Variants in RIMS3 observed in about 807,000 individuals in gnomAD.
The protein encoded by RIMS3 is regulating synaptic membrane exocytosis 3.
A neutral mutation model predicts 29.2 loss-of-function variants in RIMS3; 15 were observed. The ratio of observed to expected loss-of-function variants is 0.51; its 90% CI spans 0.34 to 0.79. The LOEUF (loss-of-function observed/expected upper bound fraction) is 0.79. Among genes scored for constraint, RIMS3 ranks in the 30% least tolerant of loss-of-function variants. RIMS3 has a pLI of 0.01. For missense variants in RIMS3, 342 were observed against 421.4 expected, an observed-to-expected ratio of 0.81 and a Z score of 1.65; for synonymous variants, 161 against 170.1, an observed-to-expected ratio of 0.95 and a Z score of 0.41.
At chr1:40,687,946 A>G in the RIMS3 span, among the ~76,000 whole-genome samples, 1 of 152,182 alleles carries the variant, frequency 6.6e-6, no homozygotes, top group Non-Finnish European at 1.5e-5. Flanking sequence ...CCAGCAGCAC[A>G]TGAACTATAT....
intron 1 of RIMS3, among the ~76,000 whole-genome samples, chr1:40,649,060 T>C (rs1646613678): frequency 1.3e-5 from 2 of 152,138 alleles, no homozygotes; most frequent in South Asian, 4.1e-4. Context: ...TAGGTGGTTG[T>C]GGTGGGGAAG....
At chr1:40,627,185 G>A (rs1227573995) in intron 7 of RIMS3, among the ~76,000 whole-genome samples, 2 of 152,158 alleles carry the variant, frequency 1.3e-5, no homozygotes, top group Non-Finnish European at 2.9e-5. Context: ...CGTGGGACTT[G>A]TGTAAGCTCC....
intron 1 of RIMS3, among the ~76,000 whole-genome samples, chr1:40,653,613 G>C (rs1259008139): frequency 6.6e-6 from 1 of 152,184 alleles, no homozygotes; most frequent in African/African-American, 2.4e-5. Context: ...CGGGAGCCCG[G>C]GGCTCTGAAG....
At chr1:40,674,797 C>T in the RIMS3 span, among the ~76,000 whole-genome samples, 1 of 152,280 alleles carries the variant, frequency 6.6e-6, no homozygotes, top group East Asian at 1.9e-4. Context: ...AGGTGTGCAC[C>T]CCTAAACCTT....
At chr1:40,670,574 T>A (rs12039103), upstream of RIMS3, among the ~76,000 whole-genome samples, 6 of 71,204 alleles carry the variant, frequency 8.4e-5, no homozygotes, top group South Asian at 6.0e-4. Context: ...AGTTATAATT[T>A]TATATATATA....
chr1:40,638,515 C>G (rs1432127272), intron 3 of RIMS3, among the ~76,000 whole-genome samples: 1 of 152,156 alleles, frequency 6.6e-6, no homozygotes, highest in African/African-American at 2.4e-5. Context: ...CCATCACAAA[C>G]AAAGGAGGGG....
At chr1:40,629,240 C>A in intron 6 of RIMS3, 31 bp downstream of exon 6, 1 of 1,573,120 alleles carries the variant, frequency 6.4e-7, no homozygotes, top group Non-Finnish European at 8.8e-7. Context: ...ATGCCCCTCC[C>A]TGTCAGGACC....
chr1:40,638,246 T>A (rs1473600471), intron 3 of RIMS3, among the ~76,000 whole-genome samples: 4 of 151,796 alleles, frequency 2.6e-5, no homozygotes, highest in African/African-American at 9.7e-5. Flanking sequence ...CCCCTCCCAA[T>A]CCCCCATCTA....
intron 5 of RIMS3, 57 bp from the exon 6 acceptor site, chr1:40,629,429 A>T: frequency 7.2e-7 from 1 of 1,393,498 alleles, no homozygotes; most frequent in Non-Finnish European, 1.0e-6. Context: ...CAGGCCAGCC[A>T]GCTGCTGTAC....
At chr1:40,642,965 A>G (rs1646568714) in intron 2 of RIMS3, among the ~76,000 whole-genome samples, 1 of 152,068 alleles carries the variant, frequency 6.6e-6, no homozygotes, top group South Asian at 2.1e-4. Context: ...CAAAAAAAAA[A>G]AAAAATATTA....
rs531197577 is a variant in RIMS3 at position 40,654,717 on chromosome 1, G to A, written c.-206-6875C>T. ...CCTCGCAGAGAACTGCAGACATATCGCATGAAGATACATTCACCACAGACA... is the reference window on the plus strand; with the variant it reads ...CCTCGCAGAGAACTGCAGACATATCACATGAAGATACATTCACCACAGACA... On this transcript the variant is annotated intron_variant, in intron 1 of 7. Transcript: ENST00000372684. The surrounding 1 kb of genome is among the most constrained non-coding windows in gnomAD (Gnocchi z 5.3). 1.3e-4 allele frequency among the ~76,000 whole-genome samples: 20 copies of A among 151,908 alleles called. No homozygotes were observed. The highest frequency in any genetic ancestry group is 4.8e-4 in the African/African-American group (20 of 41,418).
At chr1:40,644,822 C>T (rs1208117793) in intron 2 of RIMS3, among the ~76,000 whole-genome samples, 1 of 152,234 alleles carries the variant, frequency 6.6e-6, no homozygotes, top group Non-Finnish European at 1.5e-5. Context: ...TGCCAGGGTT[C>T]AGGGCACTTC....
chr1:40,633,180 A>G lies in RIMS3; in HGVS notation c.361T>C (p.Phe121Leu). The change falls in exon 5 of 8, where the codon TTC becomes CTC. Residue 121 changes from phenylalanine to leucine, a missense_variant and splice_region_variant. Coordinates refer to ENST00000372684, the MANE Select transcript of RIMS3 (RefSeq NM_014747.3). ...STNSNSSDGT[F>L]IFPTTRLGAE... is the part of the protein sequence containing the mutation. The stretch of plus-strand genomic sequence containing the variant: ...CCTAGCCGGGTAGTGGGGAAGATGA[A>G]CCTGCAGGAGGAGGCAGAGGGACGC... 1 of 1,613,524 alleles carries G rather than the reference A, an allele frequency of 6.2e-7. No homozygotes were observed. Among genetic ancestry groups the G allele is most frequent in the South Asian group, 1.1e-5 (1 of 91,058 alleles).
chr1:40,626,906 T>C (rs72941570), intron 7 of RIMS3, among the ~76,000 whole-genome samples, 177 bp from the exon 8 acceptor site: 41,586 of 152,156 alleles, frequency 0.27, 6,658 homozygotes, highest in African/African-American at 0.45. Context: ...TACGATCCTA[T>C]GGATTTTACC....
chr1:40,656,526 G>A (rs1000331924), intron 1 of RIMS3, among the ~76,000 whole-genome samples: 1 of 152,180 alleles, frequency 6.6e-6, no homozygotes, highest in African/African-American at 2.4e-5. Context: ...GCTCACGCCT[G>A]TAATCCTAGC....
rs142794422 is a variant in RIMS3, at chr1:40,661,799, A to G, written c.-207+3595T>C. ...CCAGCTCAGGAACTGCAGAGCTGGG[A>G]TGTGGGCACAGAGCAGCCTGGTGCA... On this transcript the variant is annotated intron_variant, in intron 1 of 7. Transcript: ENST00000372684. 2.0e-3 allele frequency among the ~76,000 whole-genome samples: 306 copies of G among 152,292 alleles called. 1 individual carries two copies. The highest frequency in any genetic ancestry group is 7.2e-3 in the African/African-American group (299 of 41,564).
chr1:40,627,468 T>C (rs1157286361), intron 7 of RIMS3, among the ~76,000 whole-genome samples: 1 of 152,204 alleles, frequency 6.6e-6, no homozygotes, highest in Admixed American at 6.5e-5. Context: ...GACCTCGTGA[T>C]CTACCCGCCT....
upstream of RIMS3, among the ~76,000 whole-genome samples, chr1:40,668,379 G>A (rs537593574): frequency 9.0e-4 from 135 of 149,276 alleles, no homozygotes; most frequent in Non-Finnish European, 1.5e-3. Context: ...CTGTGATCAC[G>A]CCACTGCACT....
chr1:40,628,104 C>A lies in RIMS3; in HGVS notation c.714+706G>T, dbSNP rs534320841. Reference sequence around the variant, plus strand: ...AGTGAGTAGCTGTTTATGTGGCAGGCCCTATGTAAGGCTCCCTACATGCAA... The same window carrying A: ...AGTGAGTAGCTGTTTATGTGGCAGGACCTATGTAAGGCTCCCTACATGCAA... On this transcript the variant is annotated intron_variant, in intron 7 of 7. Transcript: ENST00000372684. Among the ~76,000 whole-genome samples the A allele has an allele frequency of 1.2e-4, 19 of 152,300 alleles. No homozygotes were observed. In the South Asian group the frequency reaches 3.7e-3, roughly 30 times the overall value.
Sources: allele counts gnomAD v4.1 joint callset (sites outside exome capture counted in the v4.1 genomes callset), GRCh38; gene constraint gnomAD v4.1.1; non-coding constraint Gnocchi (gnomAD v3.1); transcripts MANE v1.5; gene names NCBI Gene and HGNC (gene_info 2026-07-23, HGNC 2026-07-21).